ISY1: variants seen among roughly 807,000 people sequenced by gnomAD.
The protein encoded by ISY1 is ISY1 spliceosome associated protein.
Under a neutral mutation model 54.4 loss-of-function variants are expected in ISY1, and 12 were observed. The ratio of observed to expected loss-of-function variants is 0.22; its 90% CI spans 0.14 to 0.36. The LOEUF (loss-of-function observed/expected upper bound fraction) is 0.36, where lower values mean the gene tolerates loss of function less well. Ranked by LOEUF, ISY1 falls within the 10% of genes least tolerant of loss-of-function variation. ISY1 has a pLI of 1.00. For synonymous variants in ISY1, 96 were observed against 117.9 expected, an observed-to-expected ratio of 0.81 and a Z score of 1.20; for missense variants, 282 against 342.2, an observed-to-expected ratio of 0.82 and a Z score of 1.39.
At chr3:129,157,929 C>G (rs1458765250) in intron 3 of ISY1, among the ~76,000 whole-genome samples, 1 of 152,050 alleles carries the variant, frequency 6.6e-6, no homozygotes, top group African/African-American at 2.4e-5. Flanking sequence ...AGCGCGCTCT[C>G]GGTGCACTGC....
At chr3:129,142,303 T>C (rs897368917) in intron 6 of ISY1, among the ~76,000 whole-genome samples, 3 of 152,084 alleles carry the variant, frequency 2.0e-5, no homozygotes, top group Non-Finnish European at 4.4e-5. Context: ...AAGGACATTA[T>C]TGGGAAAACT....
rs1277164650 is a variant in ISY1, at chr3:129,134,315, C to G, written c.542-120G>C. The G allele has an allele frequency of 6.2e-5, 95 of 1,529,550 alleles. 1 individual carries two copies. Among genetic ancestry groups the G allele is most frequent in the Non-Finnish European group, 7.0e-6 (8 of 1,137,282 alleles). 94.7% of individuals were successfully genotyped at this position (1,529,550 alleles called of 1,614,324 possible). On this transcript the variant is annotated intron_variant, in intron 8 of 10. Coordinates refer to ENST00000393295, the MANE Select transcript of ISY1 (RefSeq NM_020701.4). ...GACATCCCCTCTAGAAAGGGACACC[C>G]TTCATTCTGCCCCCGTGGGTGGAAA...
At chr3:129,160,163 C>T (rs921986901) in intron 1 of ISY1, among the ~76,000 whole-genome samples, 5 of 152,094 alleles carry the variant, frequency 3.3e-5, no homozygotes, top group Non-Finnish European at 5.9e-5. Flanking sequence ...GAAACGGCTA[C>T]TTCTATTCCA....
chr3:129,132,538 T>C (rs1029551242), intron 9 of ISY1, among the ~76,000 whole-genome samples: 1 of 152,120 alleles, frequency 6.6e-6, no homozygotes, highest in African/African-American at 2.4e-5. Context: ...ATCTCCTCCT[T>C]CCTTGGTTAA....
chr3:129,160,918 G>GCCCCCTCC, intron 1 of ISY1, 55 bp downstream of exon 1: 1 of 666,124 alleles, frequency 1.5e-6, no homozygotes, highest in Non-Finnish European at 2.7e-6. Flanking sequence ...TGGACTGGGC[G>GCCCCCTCC]CCCCCCCGCC....
chr3:129,142,112 C>T (rs962868530), intron 6 of ISY1, among the ~76,000 whole-genome samples: 1 of 147,768 alleles, frequency 6.8e-6, no homozygotes, highest in South Asian at 2.2e-4. Context: ...GGCTGGAGCA[C>T]AAGAATCACT....
At chr3:129,148,792 C>A (rs1222588187) in intron 5 of ISY1, among the ~76,000 whole-genome samples, 1 of 152,150 alleles carries the variant, frequency 6.6e-6, no homozygotes, top group Admixed American at 6.5e-5. Flanking sequence ...TGGTCTCAAA[C>A]TCCTGGCCTC....
intron 5 of ISY1, among the ~76,000 whole-genome samples, chr3:129,150,884 A>G (rs1488612379): frequency 2.0e-5 from 3 of 151,838 alleles, no homozygotes; most frequent in Non-Finnish European, 4.4e-5. Flanking sequence ...GTACTTTGGG[A>G]GGCTGAAGCA....
In ISY1 at chr3:129,127,874, A is replaced by C. The variant is rs755585207; in HGVS notation, c.*2207T>G. On this transcript the variant is annotated 3_prime_UTR_variant, in exon 11 of 11. Coordinates refer to ENST00000393295, the MANE Select transcript of ISY1 (RefSeq NM_020701.4). Reference sequence around the variant, plus strand: ...CCTGCCATCCTTCCCAGGGAGAAGGAAGGCCTGATGTCTGGATTCCCCATT... The same window carrying C: ...CCTGCCATCCTTCCCAGGGAGAAGGCAGGCCTGATGTCTGGATTCCCCATT... The C allele has an allele frequency of 6.6e-6, 1 of 152,258 alleles. No homozygotes were observed. Among genetic ancestry groups the C allele is most frequent in the Non-Finnish European group, 1.5e-5 (1 of 68,068 alleles). 9.4% of individuals were successfully genotyped at this position (152,258 alleles called of 1,614,324 possible). A position where few individuals can be genotyped will look rare whatever the true frequency, so the allele number is the denominator to read the frequency against.
intron 6 of ISY1, among the ~76,000 whole-genome samples, chr3:129,142,601 AAAACATTTT>A: frequency 6.6e-6 from 1 of 152,216 alleles, no homozygotes. Context: ...TTTGAGTTAA[AAAACATTTT>A]TTTAAATCAT....
rs1330605526 is a variant in ISY1, at chr3:129,158,515, T to A, written c.71A>T (p.Lys24Ile). The A allele has an allele frequency of 6.2e-7, 1 of 1,613,778 alleles. No individual in the cohort carries two copies. Among genetic ancestry groups the A allele is most frequent in the Non-Finnish European group, 8.5e-7 (1 of 1,179,990 alleles). The change falls in exon 3 of 11, where the codon AAA (lysine) becomes ATA (isoleucine). Residue 24 changes from lysine to isoleucine, a missense_variant. Lys to Ile is a moderately radical substitution (Grantham distance 102). Around this residue, in one of 2 missense-constraint regions of ISY1, gnomAD observed 279 missense variants for 323.6 expected, o/e 0.86. Transcript: ENST00000393295. The part of the protein sequence containing the change: ...RFRQAQLEEG[K>I]VKERRPFLAS... ...AGGAAGATTTACACCAACCTTCACT[T>A]TTCCCTCTTCCAGCTGAGCCTGGCG...
intron 1 of ISY1, 68 bp downstream of exon 1, chr3:129,160,905 A>G (rs1413699515): frequency 7.0e-7 from 1 of 1,437,952 alleles, no homozygotes; most frequent in Non-Finnish European, 9.5e-7. Context: ...TGAGCGCCCC[A>G]GGTGGACTGG....
chr3:129,150,795 T>C (rs1229104059), intron 5 of ISY1, among the ~76,000 whole-genome samples: 2 of 151,312 alleles, frequency 1.3e-5, no homozygotes, highest in East Asian at 3.9e-4. Flanking sequence ...AAAAAAATGT[T>C]GTATTTCCAG....
intron 1 of ISY1, among the ~76,000 whole-genome samples, chr3:129,160,565 G>A (rs1056193509): frequency 1.3e-5 from 2 of 152,060 alleles, no homozygotes; most frequent in African/African-American, 4.8e-5. Context: ...GTATATTATG[G>A]AGCAGACTGA....
chr3:129,159,048 C>T (rs901713065), intron 2 of ISY1, 106 bp downstream of exon 2: 15 of 1,398,454 alleles, frequency 1.1e-5, no homozygotes, highest in Non-Finnish European at 1.4e-5. Flanking sequence ...AAGAAAGAAA[C>T]AGCTTCTCAA....
chr3:129,151,545 C>T (rs1030424951), intron 5 of ISY1, among the ~76,000 whole-genome samples: 4 of 151,990 alleles, frequency 2.6e-5, no homozygotes, highest in African/African-American at 4.8e-5. Flanking sequence ...AGGAGAATCG[C>T]TTGAACCCAG....
At chr3:129,130,663 T>C in intron 9 of ISY1, 27 bp from the exon 10 acceptor site, 2 of 1,613,204 alleles carry the variant, frequency 1.2e-6, no homozygotes, top group Non-Finnish European at 1.7e-6. Context: ...CGAAAGTCCA[T>C]CAGTAGGCGC....
At chr3:129,135,752 C>T (rs1372542619) in intron 7 of ISY1, among the ~76,000 whole-genome samples, 2 of 148,500 alleles carry the variant, frequency 1.3e-5, no homozygotes, top group African/African-American at 2.5e-5. Context: ...GGCGACAGAG[C>T]GAGACTCCAT....
Position 129,156,880 on chromosome 3 carries a change from G to A in ISY1, c.119C>T (p.Pro40Leu). ...PFLASECTEL[P>L]KAEKWRRQII... ...CTGTCGTCTCCACTTCTCAGCTTTA[G>A]GCAGTTCAGTACATTCTGAGGCCAG... is the stretch of plus-strand genomic sequence containing the variant. The change falls in exon 4 of 11, where the codon CCT (proline) becomes CTT (leucine). Residue 40 changes from proline (P) to leucine (L), a missense_variant. Around this residue, in one of 2 missense-constraint regions of ISY1, gnomAD observed 279 missense variants for 323.6 expected, o/e 0.86. Coordinates refer to ENST00000393295, the MANE Select transcript of ISY1 (RefSeq NM_020701.4). 2 of 1,613,986 alleles carry A rather than the reference G, an allele frequency of 1.2e-6. No homozygotes were observed. Among genetic ancestry groups the A allele is most frequent in the Non-Finnish European group, 1.7e-6 (2 of 1,179,976 alleles).
Sources: allele counts gnomAD v4.1 joint callset (sites outside exome capture counted in the v4.1 genomes callset), GRCh38; gene constraint gnomAD v4.1.1; regional missense constraint gnomAD v4.1.1; transcripts MANE v1.5; gene names NCBI Gene and HGNC (gene_info 2026-07-23, HGNC 2026-07-21).